Variants in MAML3 observed in about 807,000 individuals in gnomAD.
The protein encoded by MAML3 is mastermind-like protein 3.
A neutral mutation model predicts 101.9 loss-of-function variants in MAML3; 27 were observed. The observed-to-expected ratio is 0.27, with a 90% CI of 0.20 to 0.37. The LOEUF is 0.37. Ranked by LOEUF, MAML3 falls within the 10% of genes least tolerant of loss-of-function variation. The probability of loss-of-function intolerance (pLI) is 1.00; values close to 1 mark genes in which losing one functional copy is unlikely to be tolerated. For synonymous variants in MAML3, 501 were observed against 555.9 expected, an observed-to-expected ratio of 0.90 and a Z score of 1.39; for missense variants, 1,316 against 1,444.9, an observed-to-expected ratio of 0.91 and a Z score of 1.45.
At chr4:140,123,228 A>C (rs1294280818) in intron 1 of MAML3, among the ~76,000 whole-genome samples, 1 of 152,124 alleles carries the variant, frequency 6.6e-6, no homozygotes, top group Non-Finnish European at 1.5e-5. Context: ...TGTCCCAAAC[A>C]AGGTTTGTTA....
Position 140,027,896 on chromosome 4 carries a change from A to C in MAML3, c.468+124964T>G, listed in dbSNP as rs1328597089. The stretch of plus-strand genomic sequence containing the variant: ...CTGTTTTCCAATTTTCAAAACAAAA[A>C]ATCGATTAAGTTGGTATAACATGAA... On this transcript the variant is annotated intron_variant, in intron 1 of 4. Transcript: ENST00000509479. 5.9e-5 allele frequency among the ~76,000 whole-genome samples: 9 copies of C among 152,230 alleles called. No individual in the cohort carries two copies. In the East Asian group the frequency reaches 1.5e-3, roughly 26 times the overall value.
intron 2 of MAML3, among the ~76,000 whole-genome samples, chr4:139,861,874 C>G (rs955421779): frequency 2.6e-5 from 4 of 152,122 alleles, no homozygotes; most frequent in Non-Finnish European, 2.9e-5. Flanking sequence ...CAGTGGTTAC[C>G]AAACTCATCT....
intron 2 of MAML3, among the ~76,000 whole-genome samples, chr4:139,872,937 C>G (rs139403647): frequency 0.044 from 6,666 of 151,932 alleles, 201 homozygotes; most frequent in African/African-American, 0.089. Flanking sequence ...AAAAATTAGC[C>G]GGGCATGGTG....
intron 2 of MAML3, among the ~76,000 whole-genome samples, chr4:139,770,450 T>A (rs902102227): frequency 6.6e-6 from 1 of 152,208 alleles, no homozygotes; most frequent in African/African-American, 2.4e-5. Flanking sequence ...TACTTTTTCT[T>A]TTAAAAAGAC....
intron 1 of MAML3, among the ~76,000 whole-genome samples, chr4:140,047,676 T>C (rs1385758981): frequency 6.6e-6 from 1 of 151,738 alleles, no homozygotes; most frequent in Non-Finnish European, 1.5e-5. Flanking sequence ...TTAAACTTCT[T>C]TGCCCGCTCT....
chr4:139,868,687 C>T (rs1341507420), intron 2 of MAML3, among the ~76,000 whole-genome samples: 1 of 152,012 alleles, frequency 6.6e-6, no homozygotes, highest in Non-Finnish European at 1.5e-5. Context: ...GAAATGTGTG[C>T]AGAGTATGTG....
chr4:139,772,014 C>A (rs188407739), intron 2 of MAML3, among the ~76,000 whole-genome samples: 1 of 149,664 alleles, frequency 6.7e-6, no homozygotes, highest in Admixed American at 6.6e-5. Context: ...CCGAGGTGGG[C>A]GGATCACGAG....
chr4:139,930,539 A>G (rs1441901535), intron 1 of MAML3, among the ~76,000 whole-genome samples: 15 of 152,178 alleles, frequency 9.9e-5, no homozygotes, highest in African/African-American at 3.4e-4. Context: ...AAATTAAAGG[A>G]AGCAGGGTTG....
chr4:140,018,537 C>A (rs911759868), intron 1 of MAML3, among the ~76,000 whole-genome samples: 1 of 152,156 alleles, frequency 6.6e-6, no homozygotes, highest in Non-Finnish European at 1.5e-5. Flanking sequence ...TCAAAATATT[C>A]TGTCAACTTT....
intron 2 of MAML3, among the ~76,000 whole-genome samples, chr4:139,878,312 C>T (rs1732151296): frequency 6.6e-6 from 1 of 152,184 alleles, no homozygotes; most frequent in South Asian, 2.1e-4. Flanking sequence ...GCTGTTCTCC[C>T]TGCCCTGAAT....
intron 1 of MAML3, among the ~76,000 whole-genome samples, chr4:140,082,479 C>T (rs1418488177): frequency 1.3e-5 from 2 of 152,210 alleles, no homozygotes. Context: ...ATTTGCTTCC[C>T]AGCGTCCTTC....
At chr4:139,952,861 A>G (rs1733854560) in intron 1 of MAML3, among the ~76,000 whole-genome samples, 1 of 152,166 alleles carries the variant, frequency 6.6e-6, no homozygotes, top group African/African-American at 2.4e-5. Context: ...TTTTCTCACC[A>G]ACCAGCTGGA....
At chr4:140,146,254 T>C (rs950791447) in intron 1 of MAML3, among the ~76,000 whole-genome samples, 7 of 152,192 alleles carry the variant, frequency 4.6e-5, no homozygotes, top group African/African-American at 1.2e-4. Flanking sequence ...CTCCTATCCA[T>C]GCGTGCATGC....
intron 1 of MAML3, among the ~76,000 whole-genome samples, chr4:140,002,228 C>A (rs1734938175): frequency 6.6e-6 from 1 of 152,208 alleles, no homozygotes; most frequent in Non-Finnish European, 1.5e-5. Flanking sequence ...ATACTCCCAA[C>A]TCCTGGTAAC....
intron 4 of MAML3, among the ~76,000 whole-genome samples, chr4:139,724,102 T>A (rs1484938380): frequency 6.6e-6 from 1 of 152,210 alleles, no homozygotes; most frequent in East Asian, 1.9e-4. Flanking sequence ...ACTGATTTAG[T>A]GCACAGAACA....
chr4:139,902,475 A>G (rs909584653), intron 1 of MAML3, among the ~76,000 whole-genome samples: 9 of 152,186 alleles, frequency 5.9e-5, no homozygotes, highest in African/African-American at 1.9e-4. Flanking sequence ...TTGTTAATAA[A>G]CAGAAACCAA....
rs1391437150 is a variant in MAML3 at position 139,890,828 on chromosome 4, A to G, written c.608T>C (p.Ile203Thr). ...TGGCATGTTACTGGGCAAATTGTTG[A>G]TGGCTTCCATCCCCGCAGAAATGTC... ...RKDISAGMEA[I>T]NNLPSNMPLP... Residue 203 changes from isoleucine to threonine, a missense_variant, in exon 2 of 5, where the codon ATC (isoleucine) becomes ACC (threonine). Physicochemically the swap from Ile to Thr is moderately conservative, Grantham distance 89. Transcript: ENST00000509479. The surrounding 1 kb of genome is among the most constrained non-coding windows in gnomAD (Gnocchi z 4.1). 4 of 1,613,882 alleles carry G rather than the reference A, an allele frequency of 2.5e-6. No individual in the cohort carries two copies. The highest frequency in any genetic ancestry group is 2.5e-6 in the Non-Finnish European group (3 of 1,179,890).
At chr4:140,042,615 G>C (rs1236934944) in intron 1 of MAML3, among the ~76,000 whole-genome samples, 2 of 148,796 alleles carry the variant, frequency 1.3e-5, no homozygotes, top group East Asian at 4.0e-4. Context: ...GCCTGGGTGA[G>C]AGAGAGAGAT....
chr4:139,746,323 G>A (rs183189444), intron 2 of MAML3, among the ~76,000 whole-genome samples: 1 of 152,308 alleles, frequency 6.6e-6, no homozygotes, highest in African/African-American at 2.4e-5. Flanking sequence ...CAGTTGGACT[G>A]TTGAAAATTT....
Sources: gnomAD v4.1 joint callset for allele counts (sites outside exome capture counted in the v4.1 genomes callset) on GRCh38, gnomAD v4.1.1 for gene constraint, Gnocchi (gnomAD v3.1) non-coding constraint, MANE v1.5 for transcripts, NCBI Gene and HGNC (gene_info 2026-07-23, HGNC 2026-07-21) for gene names.